Variants in FSTL5 observed in about 807,000 individuals in gnomAD.
The protein encoded by FSTL5 is follistatin like 5.
Under a neutral mutation model 89.1 loss-of-function variants are expected in FSTL5, and 62 were observed. The ratio of observed to expected loss-of-function variants is 0.70; its 90% CI spans 0.57 to 0.86. The LOEUF is 0.86. Among genes scored for constraint, FSTL5 ranks in the 40% least tolerant of loss-of-function variants. The pLI, the probability that FSTL5 is intolerant of heterozygous loss-of-function variation, is 0.00. For missense variants in FSTL5, 1,057 were observed against 1,001.6 expected (o/e 1.06, Z -0.75); for synonymous variants, 383 against 346.2 (o/e 1.11, Z -1.18).
At chr4:161,724,143 A>G (rs1352521081) in intron 6 of FSTL5, among the ~76,000 whole-genome samples, 3 of 152,166 alleles carry the variant, frequency 2.0e-5, no homozygotes, top group Non-Finnish European at 4.4e-5. Flanking sequence ...CAAAAATCAA[A>G]TAAATAATGT....
intron 15 of FSTL5, among the ~76,000 whole-genome samples, chr4:161,447,780 T>TGTTA (rs1483628778): frequency 2.0e-5 from 3 of 152,166 alleles, no homozygotes; most frequent in Non-Finnish European, 4.4e-5. Flanking sequence ...CCAGTGTTTA[T>TGTTA]GTTACGTAGA....
intron 4 of FSTL5, among the ~76,000 whole-genome samples, chr4:161,891,812 G>A (rs1357493740): frequency 1.3e-5 from 2 of 152,006 alleles, no homozygotes; most frequent in Non-Finnish European, 2.9e-5. Context: ...CAAATGAGAT[G>A]CCCTGGACTA....
intron 10 of FSTL5, among the ~76,000 whole-genome samples, chr4:161,534,427 C>A (rs1731524125): frequency 6.6e-6 from 1 of 152,002 alleles, no homozygotes; most frequent in Admixed American, 6.6e-5. Context: ...TTCTATATAC[C>A]AATTCCATTG....
chr4:161,786,427 T>A (rs1013286405), intron 4 of FSTL5, among the ~76,000 whole-genome samples: 1 of 152,054 alleles, frequency 6.6e-6, no homozygotes, highest in Non-Finnish European at 1.5e-5. Flanking sequence ...CCTTAGGTTA[T>A]CCCAACTATT....
chr4:161,862,649 T>C (rs940074920), intron 4 of FSTL5, among the ~76,000 whole-genome samples: 7 of 151,992 alleles, frequency 4.6e-5, no homozygotes, highest in African/African-American at 1.7e-4. Context: ...GGAGAATCAC[T>C]TGAACCCAGG....
rs148130981 is a variant in FSTL5 at position 161,683,882 on chromosome 4, T to G, written c.728-27388A>C. On this transcript the variant is annotated intron_variant, in intron 6 of 15. Transcript: ENST00000306100. ...TACACTGCACCCAATTTGTGGTCTTTTATCCCTCACCTCCTTCCCAGTCTT... is the reference window on the plus strand; with the variant it reads ...TACACTGCACCCAATTTGTGGTCTTGTATCCCTCACCTCCTTCCCAGTCTT... 8.1e-3 allele frequency among the ~76,000 whole-genome samples: 1,236 copies of G among 152,312 alleles called. 38 individuals carry two copies. In the South Asian group the frequency reaches 0.12, roughly 15 times the overall value.
In FSTL5 at chr4:162,163,877, A is replaced by C. The variant is rs1733794274; in HGVS notation, c.-279T>G. The C allele has an allele frequency of 6.6e-6, 1 of 152,332 alleles. No individual in the cohort carries two copies. The highest frequency in any genetic ancestry group is 1.5e-5 in the Non-Finnish European group (1 of 68,152). The allele number at this position is 152,332 out of a possible 1,614,324, so 9.4% of individuals were successfully genotyped here. On this transcript the variant is annotated 5_prime_UTR_variant, in exon 1 of 16. Transcript: ENST00000306100. Reference sequence around the variant, plus strand: ...TGGTGAAGCGGGTCCCACAGGGCACAGAGGGTGCAAGAGGGCGTTGCCTTC... The same window carrying C: ...TGGTGAAGCGGGTCCCACAGGGCACCGAGGGTGCAAGAGGGCGTTGCCTTC...
intron 6 of FSTL5, among the ~76,000 whole-genome samples, chr4:161,695,424 C>CATGTGTGT (rs1553959078): frequency 7.4e-6 from 1 of 134,248 alleles, no homozygotes; most frequent in Non-Finnish European, 1.6e-5. Flanking sequence ...CCATGGTGTA[C>CATGTGTGT]GTGTGTGTGT....
At chr4:162,078,458 G>T (rs1729956119) in intron 2 of FSTL5, among the ~76,000 whole-genome samples, 2 of 151,738 alleles carry the variant, frequency 1.3e-5, no homozygotes, top group African/African-American at 4.8e-5. Flanking sequence ...GTAAGTTCAT[G>T]GTACAAGATG....
chr4:161,474,112 AT>A (rs1350003606), intron 13 of FSTL5, among the ~76,000 whole-genome samples: 1 of 151,862 alleles, frequency 6.6e-6, no homozygotes, highest in African/African-American at 2.4e-5. Flanking sequence ...TTTTGTCTAT[AT>A]TCTGCAGCTA....
intron 4 of FSTL5, among the ~76,000 whole-genome samples, chr4:161,915,977 T>A (rs1002742832): frequency 6.6e-6 from 1 of 152,006 alleles, no homozygotes; most frequent in African/African-American, 2.4e-5. Flanking sequence ...GGCAGCCAGT[T>A]TTTTAGCCTA....
chr4:161,746,292 T>C (rs892367874), intron 6 of FSTL5, among the ~76,000 whole-genome samples: 4 of 152,164 alleles, frequency 2.6e-5, no homozygotes, highest in Admixed American at 2.6e-4. Flanking sequence ...TTTCTAGAAA[T>C]TGTTAGCCTT....
At chr4:162,142,611 T>C (rs1463422160) in intron 1 of FSTL5, among the ~76,000 whole-genome samples, 1 of 152,076 alleles carries the variant, frequency 6.6e-6, no homozygotes, top group Non-Finnish European at 1.5e-5. Flanking sequence ...ATAAAAATGA[T>C]CCAGGACAGT....
intron 4 of FSTL5, among the ~76,000 whole-genome samples, chr4:161,792,202 C>T (rs556325171): frequency 5.3e-5 from 8 of 152,230 alleles, no homozygotes; most frequent in East Asian, 3.9e-4. Flanking sequence ...GATGGGTGTG[C>T]GCGTGTCCAA....
At chr4:161,881,486 C>T (rs1256533897) in intron 4 of FSTL5, among the ~76,000 whole-genome samples, 2 of 151,980 alleles carry the variant, frequency 1.3e-5, no homozygotes, top group Non-Finnish European at 2.9e-5. Flanking sequence ...ATACAAACAA[C>T]TATCCCTTAT....
chr4:161,736,866 T>G (rs1262808275), intron 6 of FSTL5, among the ~76,000 whole-genome samples: 1 of 152,078 alleles, frequency 6.6e-6, no homozygotes, highest in African/African-American at 2.4e-5. Context: ...CTACTACTCC[T>G]GGAAATTGTA....
At chr4:161,654,268 T>A (rs1369574414) in intron 7 of FSTL5, among the ~76,000 whole-genome samples, 2 of 152,116 alleles carry the variant, frequency 1.3e-5, no homozygotes, top group Non-Finnish European at 2.9e-5. Flanking sequence ...TTGAAATAAT[T>A]TAAATGAGTT....
chr4:161,509,337 T>C (rs1170340942), intron 11 of FSTL5, among the ~76,000 whole-genome samples: 2 of 152,118 alleles, frequency 1.3e-5, no homozygotes, highest in African/African-American at 2.4e-5. Flanking sequence ...TAAGTACTGA[T>C]ATGTCAAGGC....
At chr4:161,807,896 A>G (rs1730017099) in intron 4 of FSTL5, among the ~76,000 whole-genome samples, 1 of 152,214 alleles carries the variant, frequency 6.6e-6, no homozygotes, top group Non-Finnish European at 1.5e-5. Flanking sequence ...CATTTTGGAT[A>G]AACTATCCTG....
Sources: allele counts gnomAD v4.1 joint callset (sites outside exome capture counted in the v4.1 genomes callset), GRCh38; gene constraint gnomAD v4.1.1; transcripts MANE v1.5; gene names NCBI Gene and HGNC (gene_info 2026-07-23, HGNC 2026-07-21).